AGAP1: variants seen among roughly 807,000 people sequenced by gnomAD.
The protein encoded by AGAP1 is arf-GAP with GTPase, ANK repeat and PH domain-containing protein 1.
AGAP1 carries 29 observed loss-of-function variants against 105.3 expected under a neutral mutation model. The ratio of observed to expected loss-of-function variants is 0.28; its 90% CI spans 0.21 to 0.38. The LOEUF is 0.38. Among genes scored for constraint, AGAP1 ranks in the 10% least tolerant of loss-of-function variants. AGAP1 has a pLI of 1.00. For missense variants in AGAP1, 998 were observed against 1,165.1 expected (o/e 0.86, Z 2.09); for synonymous variants, 509 against 485.9 (o/e 1.05, Z -0.63).
At chr2:235,932,371 T>C (rs917983276) in intron 12 of AGAP1, among the ~76,000 whole-genome samples, 11 of 152,380 alleles carry the variant, frequency 7.2e-5, no homozygotes, top group Admixed American at 5.9e-4. Flanking sequence ...GAAGAACCAC[T>C]GTTAATCATG....
At chr2:235,857,789 G>C (rs1371304963) in intron 9 of AGAP1, among the ~76,000 whole-genome samples, 3 of 152,210 alleles carry the variant, frequency 2.0e-5, no homozygotes, top group Non-Finnish European at 2.9e-5. Context: ...CAAGAATGTA[G>C]TACAGTCGTC....
intron 1 of AGAP1, among the ~76,000 whole-genome samples, chr2:235,534,468 TGCTGTTTTACTAGATCTG>T (rs1943144771): frequency 6.6e-6 from 1 of 152,142 alleles, no homozygotes; most frequent in Admixed American, 6.5e-5. Context: ...AGGATGGGTG[TGCTGTTTTACTAGATCTG>T]GTGTTTTTTG....
chr2:235,940,808 G>T (rs931162241), intron 12 of AGAP1, among the ~76,000 whole-genome samples: 3 of 152,038 alleles, frequency 2.0e-5, no homozygotes, highest in Non-Finnish European at 4.4e-5. Context: ...CACAGAGAGG[G>T]GCTTCAGGGT....
chr2:236,039,848 T>G (rs2057493650), intron 14 of AGAP1, among the ~76,000 whole-genome samples: 1 of 152,224 alleles, frequency 6.6e-6, no homozygotes, highest in Non-Finnish European at 1.5e-5. Context: ...AATGCTTAAC[T>G]ATGGATGGCC....
intron 13 of AGAP1, among the ~76,000 whole-genome samples, chr2:236,006,745 T>C (rs931305888): frequency 6.6e-6 from 1 of 152,182 alleles, no homozygotes; most frequent in African/African-American, 2.4e-5. Flanking sequence ...TAGTTGTGTG[T>C]GTGTACGGAT....
In AGAP1 at chr2:236,101,590, A is replaced by G. The variant is rs751832577; in HGVS notation, c.2115-18602A>G. Among the ~76,000 whole-genome samples, 6 of 152,184 alleles carry G rather than the reference A, an allele frequency of 3.9e-5. No individual in the cohort carries two copies. Among genetic ancestry groups the G allele is most frequent in the Admixed American group, 3.3e-4 (5 of 15,274 alleles). On this transcript the variant is annotated intron_variant, in intron 16 of 17. Coordinates refer to ENST00000304032, the MANE Select transcript of AGAP1 (RefSeq NM_001037131.3). The surrounding 1 kb of genome is among the most constrained non-coding windows in gnomAD (Gnocchi z 4.9). ...GTTTAAAGGGCGTCGGTGCACGTAC[A>G]GCGAGGGCTTACATCCACTTTACGG...
chr2:235,501,124 A>G (rs977647814), intron 1 of AGAP1, among the ~76,000 whole-genome samples: 3 of 152,142 alleles, frequency 2.0e-5, no homozygotes, highest in Non-Finnish European at 4.4e-5. Flanking sequence ...CCGAACATAC[A>G]TTCAGGTGCA....
At chr2:235,695,376 TC>T (rs1949948489) in intron 1 of AGAP1, among the ~76,000 whole-genome samples, 1 of 152,098 alleles carries the variant, frequency 6.6e-6, no homozygotes, top group Non-Finnish European at 1.5e-5. Flanking sequence ...AAAAAGGCAA[TC>T]CCCTACCCCC....
chr2:236,071,452 AC>A (rs1301150874), intron 16 of AGAP1, among the ~76,000 whole-genome samples: 2 of 152,180 alleles, frequency 1.3e-5, no homozygotes, highest in Non-Finnish European at 2.9e-5. Context: ...GCAGGGCCTG[AC>A]CCCAAGGATA....
At position 235,625,965 on chromosome 2, in the gene AGAP1, T is replaced by C. The variant is rs1458601866; in HGVS notation, c.164-83214T>C. Reference sequence around the variant, plus strand: ...AGTAGAATATTAGCAGAGCTATTTGTAAAAATAATGCACAGGCATTTGCTG... The same window carrying C: ...AGTAGAATATTAGCAGAGCTATTTGCAAAAATAATGCACAGGCATTTGCTG... On this transcript the variant is annotated intron_variant, in intron 1 of 17. Coordinates refer to ENST00000304032, the MANE Select transcript of AGAP1 (RefSeq NM_001037131.3). This position sits in a 1 kb window ranked among gnomAD's most constrained non-coding sequence, Gnocchi z 4.0. Among the ~76,000 whole-genome samples the C allele has an allele frequency of 6.6e-6, 1 of 152,176 alleles. No homozygotes were observed. Among genetic ancestry groups the C allele is most frequent in the African/African-American group, 2.4e-5 (1 of 41,448 alleles).
In AGAP1 at chr2:235,714,577, G is replaced by A. The variant is rs1951003748; in HGVS notation, c.223-2980G>A. Among the ~76,000 whole-genome samples, 1 of 151,706 alleles carries A rather than the reference G, an allele frequency of 6.6e-6. No individual in the cohort carries two copies. On this transcript the variant is annotated intron_variant, in intron 2 of 17. Coordinates refer to ENST00000304032, the MANE Select transcript of AGAP1 (RefSeq NM_001037131.3). The surrounding 1 kb of genome is among the most constrained non-coding windows in gnomAD (Gnocchi z 4.1). ...GATGAGAGGCGGGAGGGTTGTAACT[G>A]GGGTGTAAGAGGACAGGACCGAGCA...
Position 235,608,156 on chromosome 2 carries a change from T to C in AGAP1, c.164-101023T>C, listed in dbSNP as rs931169114. Among the ~76,000 whole-genome samples the C allele has an allele frequency of 5.3e-5, 8 of 152,112 alleles. No individual in the cohort carries two copies. The highest frequency in any genetic ancestry group is 1.2e-4 in the African/African-American group (5 of 41,524). ...ATTTTTGGCTTCACAGAGTGATGCC[T>C]CTGGAGCATCCCCTTGCGGAGCCTC... On this transcript the variant is annotated intron_variant, in intron 1 of 17. Transcript: ENST00000304032. The surrounding 1 kb of genome is among the most constrained non-coding windows in gnomAD (Gnocchi z 5.4).
At chr2:235,558,771 C>A (rs992119781) in intron 1 of AGAP1, among the ~76,000 whole-genome samples, 1 of 152,140 alleles carries the variant, frequency 6.6e-6, no homozygotes, top group African/African-American at 2.4e-5. Context: ...ATGCCCTCAG[C>A]CATAAACACA....
rs560493859 is a variant in AGAP1 at position 235,705,490 on chromosome 2, C to G, written c.164-3689C>G. Among the ~76,000 whole-genome samples, 7 of 152,326 alleles carry G rather than the reference C, an allele frequency of 4.6e-5. No homozygotes were observed. The East Asian group carries it at 1.4e-3, about 29-fold the overall frequency. On this transcript the variant is annotated intron_variant, in intron 1 of 17. Coordinates refer to ENST00000304032, the MANE Select transcript of AGAP1 (RefSeq NM_001037131.3). The surrounding 1 kb of genome is among the most constrained non-coding windows in gnomAD (Gnocchi z 4.9). ...GGACCCTGCCCCACCCTTCCTCGAC[C>G]CCACCTACTGAGTGATGAACAATTC...
chr2:236,033,354 TG>T (rs1576120847), intron 13 of AGAP1, among the ~76,000 whole-genome samples: 1 of 152,328 alleles, frequency 6.6e-6, no homozygotes, highest in East Asian at 1.9e-4. Flanking sequence ...AACACTTACA[TG>T]TATTTGTTCC....
At chr2:235,541,554 AT>A (rs1235493769) in intron 1 of AGAP1, among the ~76,000 whole-genome samples, 11 of 149,722 alleles carry the variant, frequency 7.3e-5, no homozygotes, top group African/African-American at 2.5e-4. Context: ...TGCCCGGCTA[AT>A]TTTTTGTATT....
intron 12 of AGAP1, among the ~76,000 whole-genome samples, chr2:235,947,708 T>G (rs1458871000): frequency 2.0e-5 from 3 of 152,136 alleles, no homozygotes; most frequent in African/African-American, 7.2e-5. Context: ...CCTAGAACAG[T>G]GTCTCCATCA....
chr2:235,832,372 T>C (rs551573193), intron 9 of AGAP1, among the ~76,000 whole-genome samples: 1 of 152,364 alleles, frequency 6.6e-6, no homozygotes, highest in African/African-American at 2.4e-5. Flanking sequence ...ATTTTGCCTG[T>C]AACATATCAT....
chr2:235,986,545 G>C (rs2055322050), intron 13 of AGAP1, among the ~76,000 whole-genome samples: 1 of 152,120 alleles, frequency 6.6e-6, no homozygotes, highest in Non-Finnish European at 1.5e-5. Context: ...TCCTTGTCTT[G>C]TACCAGTTTT....
Sources: allele counts gnomAD v4.1 joint callset (sites outside exome capture counted in the v4.1 genomes callset), GRCh38; gene constraint gnomAD v4.1.1; non-coding constraint Gnocchi (gnomAD v3.1); transcripts MANE v1.5; gene names NCBI Gene and HGNC (gene_info 2026-07-23, HGNC 2026-07-21).